Variants in SPATA13 observed in about 807,000 individuals in gnomAD.
The protein encoded by SPATA13 is spermatogenesis-associated protein 13.
A neutral mutation model predicts 104.0 loss-of-function variants in SPATA13; 50 were observed. The ratio of observed to expected loss-of-function variants is 0.48; its 90% confidence interval spans 0.38 to 0.61. The LOEUF (loss-of-function observed/expected upper bound fraction) is 0.61. Among genes scored for constraint, SPATA13 ranks in the 20% least tolerant of loss-of-function variants. The pLI, the probability that SPATA13 is intolerant of heterozygous loss-of-function variation, is 0.00. For synonymous variants in SPATA13, 606 were observed against 667.5 expected, an observed-to-expected ratio of 0.91 and a Z score of 1.42; for missense variants, 1,524 against 1,690.6, an observed-to-expected ratio of 0.90 and a Z score of 1.73.
intron 3 of SPATA13, among the ~76,000 whole-genome samples, chr13:24,029,197 T>TA (rs1461596672): frequency 6.6e-6 from 1 of 152,234 alleles, no homozygotes; most frequent in African/African-American, 2.4e-5. Context: ...AGCTGGAACT[T>TA]ACAGGCATGT....
intron 3 of SPATA13, among the ~76,000 whole-genome samples, chr13:24,150,761 C>T (rs1882077187): frequency 6.6e-6 from 1 of 152,128 alleles, no homozygotes; most frequent in African/African-American, 2.4e-5. Flanking sequence ...TCAGGGAACC[C>T]ACATCTTCTC....
chr13:24,008,385 T>A (rs1050962438), intron 2 of SPATA13, among the ~76,000 whole-genome samples: 4 of 152,148 alleles, frequency 2.6e-5, no homozygotes, highest in Non-Finnish European at 5.9e-5. Flanking sequence ...CCAGGCCCTG[T>A]CCCTGGGGCT....
chr13:24,213,899 G>T (rs186040688), intron 1 of SPATA13, among the ~76,000 whole-genome samples: 9 of 152,274 alleles, frequency 5.9e-5, no homozygotes, highest in African/African-American at 1.9e-4. Context: ...TTACCTTCTG[G>T]TATTTATTAT....
At position 24,251,961 on chromosome 13, in the gene SPATA13, T is replaced by C. The variant is rs566131749; in HGVS notation, c.2164+99T>C. 3.7e-5 allele frequency: 54 copies of C among 1,451,358 alleles called. 1 individual carries two copies. In the South Asian group the frequency reaches 6.8e-4, roughly 18 times the overall value. The allele number at this position is 1,451,358 out of a possible 1,614,324, so 89.9% of individuals were successfully genotyped here. The stretch of plus-strand genomic sequence containing the variant: ...CAGGTTCTGCACCTTCGCGCCTCCC[T>C]TGGGCCAGGGCGCGTTTGTCTGGGA... On this transcript the variant is annotated intron_variant, in intron 4 of 12. Coordinates refer to ENST00000382108, the MANE Select transcript of SPATA13 (RefSeq NM_001166271.3).
intron 1 of SPATA13, among the ~76,000 whole-genome samples, chr13:24,166,463 G>A (rs576449469): frequency 3.3e-5 from 5 of 152,296 alleles, no homozygotes; most frequent in East Asian, 3.9e-4. Flanking sequence ...GGGGGACGGC[G>A]TAAACAGAGG....
intron 3 of SPATA13, among the ~76,000 whole-genome samples, chr13:24,092,316 T>C (rs1045975144): frequency 2.0e-5 from 3 of 152,228 alleles, no homozygotes; most frequent in Non-Finnish European, 4.4e-5. Context: ...AGGAAGGGTG[T>C]GATCAGATAA....
chr13:24,215,181 G>T (rs1044944008), intron 1 of SPATA13, among the ~76,000 whole-genome samples: 4 of 152,196 alleles, frequency 2.6e-5, no homozygotes, highest in African/African-American at 9.7e-5. Context: ...CCTCTGGCTT[G>T]GTTCATTGGT....
chr13:24,171,917 TTATC>T (rs1882986516), intron 1 of SPATA13, among the ~76,000 whole-genome samples: 1 of 152,164 alleles, frequency 6.6e-6, no homozygotes, highest in Non-Finnish European at 1.5e-5. Context: ...AAATTCTTAT[TTATC>T]AGTGTTTTAA....
chr13:23,995,091 C>G (rs774768367), intron 2 of SPATA13, among the ~76,000 whole-genome samples: 34 of 152,072 alleles, frequency 2.2e-4, no homozygotes, highest in Non-Finnish European at 4.6e-4. Flanking sequence ...CAGGACAGCC[C>G]CCAAACACAA....
intron 4 of SPATA13, among the ~76,000 whole-genome samples, chr13:24,269,091 G>A (rs1477477612): frequency 2.0e-5 from 3 of 152,182 alleles, no homozygotes; most frequent in Non-Finnish European, 4.4e-5. Flanking sequence ...GACAGCAGCA[G>A]CGTGACGGCT....
chr13:24,202,443 C>A (rs1054572822), intron 1 of SPATA13, among the ~76,000 whole-genome samples: 1 of 151,358 alleles, frequency 6.6e-6, no homozygotes, highest in Non-Finnish European at 1.5e-5. Flanking sequence ...TCTCCTGGAA[C>A]GAGTGTGTGC....
In SPATA13 at chr13:24,284,212, C is replaced by G. The variant is rs772320278; in HGVS notation, c.2242C>G (p.Leu748Val). Residue 748 changes from leucine (L) to valine (V), a missense_variant, in exon 5 of 13, where the codon CTC (leucine) becomes GTC (valine). Leu to Val is a conservative substitution (Grantham distance 32). Transcript: ENST00000382108. ...TGAGGAGGACTTCAGCTATGAAGAC[C>G]TCTGCCAGGCCAGCCCTCGGTACCT... Reference protein sequence around the residue: ...GSEEDFSYEDLCQASPRYLQP... With the variant: ...GSEEDFSYEDVCQASPRYLQP... The G allele has an allele frequency of 6.2e-7, 1 of 1,613,770 alleles. No homozygotes were observed. Among genetic ancestry groups the G allele is most frequent in the Non-Finnish European group, 8.5e-7 (1 of 1,179,912 alleles).
At position 24,137,037 on chromosome 13, in the gene SPATA13, A is replaced by G. The variant is rs1373300946; in HGVS notation, c.-111-85782A>G. Among the ~76,000 whole-genome samples the G allele has an allele frequency of 1.4e-3, 64 of 46,826 alleles. 19 individuals are homozygous for G. Among genetic ancestry groups the G allele is most frequent in the African/African-American group, 4.3e-3 (62 of 14,534 alleles). 30.7% of individuals were successfully genotyped at this position (46,826 alleles called of 152,430 possible). On this transcript the variant is annotated intron_variant, in intron 3 of 14. Transcript: ENST00000424834. ...AGTAGAGACGGGGTTTCACCGTTTT[A>G]GCCGGGATGGTCTCAATCTCCTGAC...
At position 24,071,448 on chromosome 13, in the gene SPATA13, C is replaced by G. The variant is rs142123659; in HGVS notation, c.-112+53747C>G. The stretch of plus-strand genomic sequence containing the variant: ...GCATTGTTGTCTTTAACTCTCATAA[C>G]AACTCTGTGAAGTGGGTCTGATTGT... On this transcript the variant is annotated intron_variant, in intron 3 of 14. Transcript: ENST00000424834. Among the ~76,000 whole-genome samples, 239 of 152,306 alleles carry G rather than the reference C, an allele frequency of 1.6e-3. 1 individual carries two copies. The highest frequency in any genetic ancestry group is 5.2e-3 in the African/African-American group (218 of 41,564).
At chr13:24,154,700 T>G (rs1882207942) in intron 3 of SPATA13, among the ~76,000 whole-genome samples, 1 of 152,174 alleles carries the variant, frequency 6.6e-6, no homozygotes, top group Admixed American at 6.5e-5. Context: ...GGGCACAGCT[T>G]AGCTGGCTCC....
chr13:24,294,084 A>G (rs1294968014), intron 9 of SPATA13, among the ~76,000 whole-genome samples: 1 of 152,208 alleles, frequency 6.6e-6, no homozygotes, highest in Non-Finnish European at 1.5e-5. Flanking sequence ...CTGTGTGTAG[A>G]TTAAAACTGT....
intron 2 of SPATA13, among the ~76,000 whole-genome samples, chr13:24,240,959 C>T (rs1872802785): frequency 6.6e-6 from 1 of 151,872 alleles, no homozygotes; most frequent in African/African-American, 2.4e-5. Flanking sequence ...GACAAGGCCA[C>T]AGTTTTCTGG....
Position 24,286,584 on chromosome 13 carries a change from C to A in SPATA13, c.2482-181C>A, listed in dbSNP as rs925263522. On this transcript the variant is annotated intron_variant, in intron 6 of 12. Transcript: ENST00000382108. This position sits in a 1 kb window ranked among gnomAD's most constrained non-coding sequence, Gnocchi z 4.9. The stretch of plus-strand genomic sequence containing the variant: ...CAGGCAAGCGAGTTGCTCGGTGTTT[C>A]TCTGTGGTCCTCGTGCCTGCTGGCA... Among the ~76,000 whole-genome samples the A allele has an allele frequency of 3.3e-5, 5 of 152,238 alleles. No homozygotes were observed. The highest frequency in any genetic ancestry group is 1.2e-4 in the African/African-American group (5 of 41,530).
At chr13:24,031,577 A>C (rs1318528914) in intron 3 of SPATA13, among the ~76,000 whole-genome samples, 1 of 152,240 alleles carries the variant, frequency 6.6e-6, no homozygotes, top group Non-Finnish European at 1.5e-5. Context: ...AAATCTGGTG[A>C]AATGAACATT....
Sources: gnomAD v4.1 joint callset for allele counts (sites outside exome capture counted in the v4.1 genomes callset) on GRCh38, gnomAD v4.1.1 for gene constraint, Gnocchi (gnomAD v3.1) non-coding constraint, MANE v1.5 for transcripts, NCBI Gene and HGNC (gene_info 2026-07-23, HGNC 2026-07-21) for gene names.